The following CSMD3 variants were observed in gnomAD, a reference collection of about 807,000 sequenced individuals.
CSMD3 encodes the protein CUB and Sushi multiple domains 3, also known as CUB and sushi domain-containing protein 3.
A neutral mutation model predicts 435.2 loss-of-function variants in CSMD3; 177 were observed. The observed-to-expected ratio is 0.41, with a 90% CI of 0.36 to 0.46. The LOEUF (loss-of-function observed/expected upper bound fraction) is 0.46. Among genes scored for constraint, CSMD3 ranks in the 20% least tolerant of loss-of-function variants. The probability of loss-of-function intolerance (pLI) is 0.34; values close to 1 mark genes in which losing one functional copy is unlikely to be tolerated. For missense variants in CSMD3, 4,265 were observed against 4,504.6 expected (o/e 0.95, Z 1.52); for synonymous variants, 1,656 against 1,520.5 (o/e 1.09, Z -2.07).
chr8:112,589,969 G>C (rs531522482), intron 22 of CSMD3, among the ~76,000 whole-genome samples: 1 of 152,206 alleles, frequency 6.6e-6, no homozygotes, highest in South Asian at 2.1e-4. Context: ...ATAAGGAATA[G>C]CATATGTAAA....
At chr8:112,912,813 T>C (rs1371269816) in intron 10 of CSMD3, among the ~76,000 whole-genome samples, 1 of 151,938 alleles carries the variant, frequency 6.6e-6, no homozygotes, top group Non-Finnish European at 1.5e-5. Flanking sequence ...GTAAACCATA[T>C]ACCTGATAAA....
At chr8:113,421,054 A>G (rs1336501951) in intron 1 of CSMD3, among the ~76,000 whole-genome samples, 1 of 152,192 alleles carries the variant, frequency 6.6e-6, no homozygotes, top group Non-Finnish European at 1.5e-5. Flanking sequence ...CCTAAACCTG[A>G]TGCAGAAAAT....
chr8:112,302,213 A>T (rs1342950432), intron 52 of CSMD3, among the ~76,000 whole-genome samples: 19 of 135,084 alleles, frequency 1.4e-4, no homozygotes, highest in Non-Finnish European at 1.9e-4. Flanking sequence ...TTTTTTTTTC[A>T]TTTTTTTTTT....
intron 6 of CSMD3, among the ~76,000 whole-genome samples, chr8:112,997,837 C>T (rs986822953): frequency 5.6e-5 from 8 of 142,330 alleles, no homozygotes; most frequent in Non-Finnish European, 1.2e-4. Flanking sequence ...TTAAAATATA[C>T]GTATGTATGT....
rs773362103 is a variant in CSMD3 at position 112,336,767 on chromosome 8, C to T, written c.6904G>A (p.Glu2302Lys). Residue 2302 changes from glutamate (E) to lysine (K), a missense_variant, in exon 44 of 71, where the codon GAA becomes AAA. By Grantham distance (56) the Glu-to-Lys change is moderately conservative. Transcript: ENST00000297405. ...GTIYSPGYPDEYPNFQDCFWL... is the reference protein window; with the variant it reads ...GTIYSPGYPDKYPNFQDCFWL... ...AAACAATCTTGAAAGTTTGGATATT[C>T]ATCAGGATACCCAGGAGAATAAATG... 2 of 1,613,444 alleles carry T rather than the reference C, an allele frequency of 1.2e-6. No homozygotes were observed. The highest frequency in any genetic ancestry group is 1.1e-5 in the South Asian group (1 of 91,066).
chr8:113,248,477 G>GTATATATATATATATGTATA (rs1491296994), intron 3 of CSMD3, among the ~76,000 whole-genome samples: 1 of 133,024 alleles, frequency 7.5e-6, no homozygotes, highest in Non-Finnish European at 1.6e-5. Context: ...TGATATATAT[G>GTATATATATATATATGTATA]TATATATACA....
chr8:112,309,727 A>G (rs1297695229), intron 50 of CSMD3, among the ~76,000 whole-genome samples: 1 of 152,148 alleles, frequency 6.6e-6, no homozygotes, highest in Non-Finnish European at 1.5e-5. Context: ...AAGAAACAAT[A>G]ATTCTTTCAT....
chr8:112,912,061 A>AT (rs1159400204), intron 10 of CSMD3, among the ~76,000 whole-genome samples: 1 of 148,432 alleles, frequency 6.7e-6, no homozygotes, highest in Non-Finnish European at 1.5e-5. Flanking sequence ...CAATTATTTG[A>AT]TTTTTTTAAG....
intron 13 of CSMD3, among the ~76,000 whole-genome samples, chr8:112,767,081 T>C (rs1209215267): frequency 6.6e-6 from 1 of 151,868 alleles, no homozygotes; most frequent in African/African-American, 2.4e-5. Flanking sequence ...ATAGTAAATT[T>C]TGGGATTCCT....
rs928326687 is a variant in CSMD3, at chr8:112,364,135, C to T, written c.6137-11601G>A. ...GGATGGGAAGCAGTAAAAATAATAA[C>T]AGTTATGCTGAATTGAATCTTTTGC... On this transcript the variant is annotated intron_variant, in intron 38 of 70. Transcript: ENST00000297405. 4.5e-4 allele frequency among the ~76,000 whole-genome samples: 68 copies of T among 151,920 alleles called. 1 individual carries two copies. The highest frequency in any genetic ancestry group is 2.6e-4 in the Admixed American group (4 of 15,228).
At chr8:113,383,517 G>A (rs766088324) in intron 1 of CSMD3, among the ~76,000 whole-genome samples, 18 of 152,040 alleles carry the variant, frequency 1.2e-4, no homozygotes, top group Non-Finnish European at 1.8e-4. Context: ...AGACACATCT[G>A]GTCTATAAAG....
At chr8:112,697,342 G>A (rs1263274929) in intron 13 of CSMD3, among the ~76,000 whole-genome samples, 2 of 152,106 alleles carry the variant, frequency 1.3e-5, no homozygotes. Context: ...GTCCATCAAT[G>A]ATAGACTGGG....
intron 35 of CSMD3, among the ~76,000 whole-genome samples, chr8:112,391,052 T>C (rs943141465): frequency 5.9e-5 from 9 of 152,174 alleles, no homozygotes; most frequent in African/African-American, 1.7e-4. Context: ...ATAGTATTTG[T>C]ATTATATTAC....
Position 112,284,594 on chromosome 8 carries a change from T to A in CSMD3, c.9331+2470A>T, listed in dbSNP as rs561840497. The stretch of plus-strand genomic sequence containing the variant: ...TTATTGACTATACTCTATTAGATCA[T>A]GTAAACATAAAATTGCTTAAGCAAT... On this transcript the variant is annotated intron_variant, in intron 58 of 70. Coordinates refer to ENST00000297405, the MANE Select transcript of CSMD3 (RefSeq NM_198123.2). 1.3e-4 allele frequency among the ~76,000 whole-genome samples: 20 copies of A among 152,018 alleles called. No individual in the cohort carries two copies. In the East Asian group the frequency reaches 3.9e-3, roughly 29 times the overall value.
At chr8:113,310,550 G>C (rs1159499505) in intron 2 of CSMD3, 1 of 151,536 alleles carries the variant, frequency 6.6e-6, no homozygotes, top group Non-Finnish European at 1.5e-5. Flanking sequence ...AATTACAGGA[G>C]AAAACCAGCA....
chr8:113,356,648 T>C (rs1199728506), intron 1 of CSMD3, among the ~76,000 whole-genome samples: 5 of 152,062 alleles, frequency 3.3e-5, no homozygotes, highest in Non-Finnish European at 7.4e-5. Flanking sequence ...ACACAACAAA[T>C]GTCAAAAAAA....
chr8:112,379,994 T>C (rs531485693), intron 38 of CSMD3, among the ~76,000 whole-genome samples: 1 of 152,272 alleles, frequency 6.6e-6, no homozygotes, highest in African/African-American at 2.4e-5. Context: ...TGAAGAGCTG[T>C]GGTTCAATGG....
chr8:112,452,521 A>C (rs1050190220), intron 32 of CSMD3, among the ~76,000 whole-genome samples: 6 of 152,218 alleles, frequency 3.9e-5, no homozygotes, highest in Non-Finnish European at 8.8e-5. Context: ...TTCTTTTAAA[A>C]ACAGGGAAAT....
intron 69 of CSMD3, among the ~76,000 whole-genome samples, chr8:112,231,262 A>G (rs1021587071): frequency 1.3e-5 from 2 of 152,328 alleles, no homozygotes; most frequent in East Asian, 1.9e-4. Context: ...TTTTTTATCT[A>G]TATCACTTTT....
Sources: allele counts gnomAD v4.1 joint callset (sites outside exome capture counted in the v4.1 genomes callset), GRCh38; gene constraint gnomAD v4.1.1; transcripts MANE v1.5; gene names NCBI Gene and HGNC (gene_info 2026-07-23, HGNC 2026-07-21).